The following SEC23IP variants were observed in gnomAD, a reference collection of about 807,000 sequenced individuals.
SEC23IP encodes SEC23 interacting protein.
In SEC23IP, 70 loss-of-function variants were observed where a neutral mutation model predicts 113.4. The observed-to-expected ratio is 0.62, with a 90% CI of 0.51 to 0.75. The LOEUF (loss-of-function observed/expected upper bound fraction) is 0.75, where lower values mean the gene tolerates loss of function less well. Ranked by LOEUF, SEC23IP falls within the 30% of genes least tolerant of loss-of-function variation. The pLI is 0.00. For synonymous variants in SEC23IP, 398 were observed against 421.0 expected (o/e 0.95, Z 0.67); for missense variants, 1,160 against 1,204.9 (o/e 0.96, Z 0.55).
At position 119,930,362 on chromosome 10, in the gene SEC23IP, A is replaced by G. The variant is rs748578577; in HGVS notation, c.2503A>G (p.Ile835Val). ...DPVAYRLEPM[I>V]VPDLDLKAVL... Reference sequence around the variant, plus strand: ...AGTGGCATATAGATTAGAACCTATGATTGTTCCAGATTTGGACCTAAAAGC... The same window carrying G: ...AGTGGCATATAGATTAGAACCTATGGTTGTTCCAGATTTGGACCTAAAAGC... The change falls in exon 15 of 19, where the codon ATT (isoleucine) becomes GTT (valine). Residue 835 changes from isoleucine (I) to valine (V), a missense_variant. By Grantham distance (29) the Ile-to-Val change is conservative. Coordinates refer to ENST00000369075, the MANE Select transcript of SEC23IP (RefSeq NM_007190.4). 12 of 1,610,036 alleles carry G rather than the reference A, an allele frequency of 7.5e-6. No individual in the cohort carries two copies. In the South Asian group the frequency reaches 9.9e-5, roughly 13 times the overall value.
chr10:119,937,634 A>C (rs1589854448), intron 18 of SEC23IP, among the ~76,000 whole-genome samples: 2 of 152,130 alleles, frequency 1.3e-5, no homozygotes, highest in East Asian at 3.9e-4. Context: ...TAAAAAAAAA[A>C]AACAAAAAAA....
chr10:119,894,118 A>T (rs937594099), intron 1 of SEC23IP, among the ~76,000 whole-genome samples: 1 of 152,126 alleles, frequency 6.6e-6, no homozygotes, highest in Non-Finnish European at 1.5e-5. Context: ...AAATGCTTTA[A>T]TTTTTGCAAA....
At chr10:119,916,035 A>G (rs1855040362) in intron 8 of SEC23IP, 146 bp downstream of exon 8, 1 of 621,800 alleles carries the variant, frequency 1.6e-6, no homozygotes, top group African/African-American at 1.9e-5. Context: ...TATTGGCTGT[A>G]AAGTTTACAC....
chr10:119,917,309 C>A (rs546334672), intron 8 of SEC23IP, among the ~76,000 whole-genome samples: 47 of 152,170 alleles, frequency 3.1e-4, no homozygotes, highest in African/African-American at 1.1e-3. Flanking sequence ...AAGCGATTCT[C>A]ATGCCTCAAC....
chr10:119,934,846 T>C (rs369700803), intron 18 of SEC23IP, among the ~76,000 whole-genome samples: 10 of 152,190 alleles, frequency 6.6e-5, no homozygotes, highest in East Asian at 3.8e-4. Flanking sequence ...AAAAGAAAAC[T>C]AAAGTGTAGG....
intron 6 of SEC23IP, chr10:119,914,384 G>A (rs1854973966): frequency 8.2e-6 from 2 of 244,480 alleles, no homozygotes; most frequent in South Asian, 7.0e-5. Flanking sequence ...CTCACACGAT[G>A]AAATCTGAGT....
chr10:119,932,047 TGAGAA>T, intron 15 of SEC23IP, 81 bp from the exon 16 acceptor site: 1 of 822,624 alleles, frequency 1.2e-6, no homozygotes, highest in Non-Finnish European at 2.1e-6. Flanking sequence ...TTATCCTGTC[TGAGAA>T]GAGTGTTAAC....
At chr10:119,906,818 C>T (rs1054299970) in intron 4 of SEC23IP, among the ~76,000 whole-genome samples, 1 of 152,002 alleles carries the variant, frequency 6.6e-6, no homozygotes, top group Admixed American at 6.6e-5. Flanking sequence ...TCAGGTGGTC[C>T]ACCCACCTCG....
rs199847593 is a variant in SEC23IP at position 119,938,264 on chromosome 10, CTGCT to C, written c.*21-2319_*21-2316del. Among the ~76,000 whole-genome samples, 10 of 152,190 alleles carry C rather than the reference CTGCT, an allele frequency of 6.6e-5. No individual in the cohort carries two copies. In the East Asian group the frequency reaches 1.9e-3, roughly 29 times the overall value. ...CTTGCCTCTGCTTAAGCTAATTTCT[CTGCT>C]TGGGATTTTTTAGGATGATGCTGGT... On this transcript the variant is annotated intron_variant, in intron 18 of 18. Coordinates refer to ENST00000369075, the MANE Select transcript of SEC23IP (RefSeq NM_007190.4).
At chr10:119,904,333 A>G (rs1486767690) in intron 4 of SEC23IP, 56 bp downstream of exon 4, 2 of 1,436,970 alleles carry the variant, frequency 1.4e-6, no homozygotes, top group Non-Finnish European at 2.0e-6. Context: ...TCCTATATAC[A>G]TTGGTGAGTA....
At chr10:119,914,553 C>T in intron 6 of SEC23IP, 177 bp from the exon 7 acceptor site, 1 of 572,260 alleles carries the variant, frequency 1.7e-6, no homozygotes, top group Non-Finnish European at 3.1e-6. Flanking sequence ...TTTTATATGC[C>T]AAGAGGGACA....
chr10:119,932,644 G>A (rs911276155), intron 16 of SEC23IP, among the ~76,000 whole-genome samples: 1 of 152,234 alleles, frequency 6.6e-6, no homozygotes, highest in African/African-American at 2.4e-5. Context: ...GACTCAATCT[G>A]AGAGGTTTTC....
chr10:119,923,504 G>C (rs1225394337), intron 12 of SEC23IP, among the ~76,000 whole-genome samples: 2 of 149,592 alleles, frequency 1.3e-5, no homozygotes, highest in Non-Finnish European at 3.0e-5. Context: ...AAAAGGAATT[G>C]TTTCTAGTGT....
chr10:119,932,092 C>G (rs191676794), intron 15 of SEC23IP, 41 bp from the exon 16 acceptor site: 1 of 1,321,256 alleles, frequency 7.6e-7, no homozygotes, highest in Admixed American at 1.7e-5. Flanking sequence ...GAAGTTTACC[C>G]AGTGACTAAT....
At chr10:119,909,868 A>AGTC (rs1854803121) in intron 5 of SEC23IP, among the ~76,000 whole-genome samples, 1 of 152,236 alleles carries the variant, frequency 6.6e-6, no homozygotes, top group African/African-American at 2.4e-5. Flanking sequence ...CCTGGGTGAC[A>AGTC]CAGCAAGACT....
rs560701239 is a variant in SEC23IP, at chr10:119,934,126, C to T, written c.*20+339C>T. ...AACAAATAGAGGTTTATTTTTCTTCCGTAACAAGAAGGGTTCTTCTGTTGA... is the reference window on the plus strand; with the variant it reads ...AACAAATAGAGGTTTATTTTTCTTCTGTAACAAGAAGGGTTCTTCTGTTGA... On this transcript the variant is annotated intron_variant, in intron 18 of 18. Coordinates refer to ENST00000369075, the MANE Select transcript of SEC23IP (RefSeq NM_007190.4). Among the ~76,000 whole-genome samples, 7 of 152,236 alleles carry T rather than the reference C, an allele frequency of 4.6e-5. No homozygotes were observed. In the East Asian group the frequency reaches 1.2e-3, roughly 25 times the overall value.
Position 119,904,159 on chromosome 10 carries a change from G to A in SEC23IP, c.983G>A (p.Arg328Lys). 6.2e-7 allele frequency: 1 copy of A among 1,614,248 alleles called. No individual in the cohort carries two copies. The highest frequency in any genetic ancestry group is 1.1e-5 in the South Asian group (1 of 91,086). Residue 328 changes from arginine (R) to lysine (K), a missense_variant, in exon 4 of 19, where the codon AGG becomes AAG. Transcript: ENST00000369075. ...GATGTTTACCTCTATGACCGAATAA[G>A]GAAGGCTGCCTACTGGGAAGAGGAG... Reference protein sequence around the residue: ...RYDVYLYDRIRKAAYWEEEPA... With the variant: ...RYDVYLYDRIKKAAYWEEEPA...
At chr10:119,917,519 C>T (rs2134494294) in intron 8 of SEC23IP, among the ~76,000 whole-genome samples, 1 of 152,126 alleles carries the variant, frequency 6.6e-6, no homozygotes, top group South Asian at 2.1e-4. Flanking sequence ...GCTGGGATTA[C>T]AGGTGTACAC....
intron 18 of SEC23IP, among the ~76,000 whole-genome samples, chr10:119,935,581 C>T (rs1261960079): frequency 6.6e-6 from 1 of 152,198 alleles, no homozygotes; most frequent in East Asian, 1.9e-4. Context: ...GTCCATTCAT[C>T]CATCCGTCCA....
Sources: gnomAD v4.1 joint callset for allele counts (sites outside exome capture counted in the v4.1 genomes callset) on GRCh38, gnomAD v4.1.1 for gene constraint, MANE v1.5 for transcripts, NCBI Gene and HGNC (gene_info 2026-07-23, HGNC 2026-07-21) for gene names.